CCDC85A: variants seen among roughly 807,000 people sequenced by gnomAD.
The protein encoded by CCDC85A is coiled-coil domain containing 85A, also known as coiled-coil domain-containing protein 85A.
Under a neutral mutation model 50.2 loss-of-function variants are expected in CCDC85A, and 38 were observed. The observed-to-expected ratio is 0.76, with a 90% CI of 0.58 to 0.99. The LOEUF (loss-of-function observed/expected upper bound fraction) is 0.99. Among genes scored for constraint, CCDC85A ranks in the 50% least tolerant of loss-of-function variants. The pLI, the probability that CCDC85A is intolerant of heterozygous loss-of-function variation, is 0.00. For synonymous variants in CCDC85A, 366 were observed against 301.4 expected, an observed-to-expected ratio of 1.21 and a Z score of -2.22; for missense variants, 820 against 742.0, an observed-to-expected ratio of 1.11 and a Z score of -1.22.
Position 56,342,966 on chromosome 2 carries a change from T to A in CCDC85A, c.1317+11T>A, listed in dbSNP as rs1157031319. ...CGCATGCTGCCCCAGGTGGGTGACT[T>A]CCAGAAGCTCATAGCTAGTCAGTGC... On this transcript the variant is annotated intron_variant, in intron 3 of 5. Coordinates refer to ENST00000407595, the MANE Select transcript of CCDC85A (RefSeq NM_001080433.2). The A allele has an allele frequency of 6.4e-7, 1 of 1,573,804 alleles. No individual in the cohort carries two copies. Among genetic ancestry groups the A allele is most frequent in the East Asian group, 2.3e-5 (1 of 43,382 alleles).
intron 2 of CCDC85A, among the ~76,000 whole-genome samples, chr2:56,254,452 G>C (rs1055643994): frequency 5.3e-5 from 8 of 152,094 alleles, no homozygotes; most frequent in African/African-American, 1.9e-4. Context: ...ATGCCATATT[G>C]ATTAATTAAT....
At chr2:56,254,515 C>CA (rs369771902) in intron 2 of CCDC85A, among the ~76,000 whole-genome samples, 1 of 152,134 alleles carries the variant, frequency 6.6e-6, no homozygotes, top group East Asian at 1.9e-4. Context: ...ATGGCAGAAA[C>CA]AAAAAATGAG....
chr2:56,327,652 T>C (rs1195739244), intron 2 of CCDC85A, among the ~76,000 whole-genome samples: 1 of 152,052 alleles, frequency 6.6e-6, no homozygotes, highest in Non-Finnish European at 1.5e-5. Flanking sequence ...ATATTCAGCA[T>C]GGTATAGTTC....
chr2:56,338,765 G>A (rs1007105612), intron 2 of CCDC85A, among the ~76,000 whole-genome samples: 16 of 152,004 alleles, frequency 1.1e-4, no homozygotes, highest in African/African-American at 3.9e-4. Context: ...GTCACAGTTG[G>A]GAGATTGGAT....
intron 2 of CCDC85A, among the ~76,000 whole-genome samples, chr2:56,336,179 G>A (rs2104305259): frequency 6.6e-6 from 1 of 151,800 alleles, no homozygotes. Flanking sequence ...TTCAGATGGA[G>A]TTTCACTCTT....
chr2:56,209,261 A>T (rs532581890), intron 2 of CCDC85A, among the ~76,000 whole-genome samples: 42 of 152,176 alleles, frequency 2.8e-4, no homozygotes, highest in Admixed American at 5.9e-4. Flanking sequence ...GAAAGTAAAC[A>T]CTCTTCCCGA....
chr2:56,229,192 A>T (rs373389123), intron 2 of CCDC85A, among the ~76,000 whole-genome samples: 12 of 152,302 alleles, frequency 7.9e-5, no homozygotes, highest in African/African-American at 2.6e-4. Context: ...GGATGGGTAT[A>T]TCCAAAGCTT....
rs558885402 is a variant in CCDC85A, at chr2:56,200,026, G to A, written c.1240+6586G>A. On this transcript the variant is annotated intron_variant, in intron 2 of 5. Coordinates refer to ENST00000407595, the MANE Select transcript of CCDC85A (RefSeq NM_001080433.2). ...TGGGATTACAGGCGCACACCACCAC[G>A]CCTAGCTAATTTTTGTACTTTTAGT... 3.9e-5 allele frequency among the ~76,000 whole-genome samples: 6 copies of A among 152,170 alleles called. No individual in the cohort carries two copies. The East Asian group carries it at 7.7e-4, about 20-fold the overall frequency.
chr2:56,278,576 T>G (rs1185877927), intron 2 of CCDC85A, among the ~76,000 whole-genome samples: 2 of 152,022 alleles, frequency 1.3e-5, no homozygotes, highest in African/African-American at 2.4e-5. Flanking sequence ...TATTTTTTAT[T>G]ATTATTATTT....
At chr2:56,191,251 C>T (rs1185241237) in intron 1 of CCDC85A, among the ~76,000 whole-genome samples, 2 of 152,194 alleles carry the variant, frequency 1.3e-5, no homozygotes, top group South Asian at 4.1e-4. Context: ...CTTCTCACTG[C>T]ATGACGTTAT....
intron 2 of CCDC85A, among the ~76,000 whole-genome samples, chr2:56,312,762 C>T (rs936180521): frequency 6.6e-6 from 1 of 152,256 alleles, no homozygotes; most frequent in East Asian, 1.9e-4. Flanking sequence ...GCAGCACTTT[C>T]ATTTTAACAT....
At chr2:56,350,121 T>C (rs1674838390) in intron 3 of CCDC85A, among the ~76,000 whole-genome samples, 1 of 150,296 alleles carries the variant, frequency 6.7e-6, no homozygotes, top group Non-Finnish European at 1.5e-5. Context: ...AAGTTAAAAG[T>C]TAAAGATGAA....
At chr2:56,334,320 G>A (rs1369143587) in intron 2 of CCDC85A, among the ~76,000 whole-genome samples, 1 of 152,142 alleles carries the variant, frequency 6.6e-6, no homozygotes, top group Non-Finnish European at 1.5e-5. Flanking sequence ...TATTGGGTGA[G>A]GAAGTGTTGT....
chr2:56,257,610 T>A (rs1191005156), intron 2 of CCDC85A, among the ~76,000 whole-genome samples: 2 of 152,026 alleles, frequency 1.3e-5, no homozygotes, highest in Non-Finnish European at 2.9e-5. Flanking sequence ...GTGGAGGTCT[T>A]AGGTGATTGT....
At chr2:56,297,010 T>C (rs191128757) in intron 2 of CCDC85A, among the ~76,000 whole-genome samples, 24 of 152,326 alleles carry the variant, frequency 1.6e-4, no homozygotes, top group Admixed American at 1.6e-3. Flanking sequence ...TAATCATTTT[T>C]ATTGTATATC....
intron 2 of CCDC85A, among the ~76,000 whole-genome samples, chr2:56,296,960 T>C (rs913629081): frequency 6.6e-6 from 1 of 152,154 alleles, no homozygotes; most frequent in African/African-American, 2.4e-5. Flanking sequence ...CATATTAATA[T>C]ATGAAATATT....
chr2:56,230,588 G>A (rs1244233008), intron 2 of CCDC85A, among the ~76,000 whole-genome samples: 1 of 152,172 alleles, frequency 6.6e-6, no homozygotes. Context: ...TCTGCCCATG[G>A]CTGATCCTCC....
At chr2:56,208,000 C>G (rs1327679166) in intron 2 of CCDC85A, among the ~76,000 whole-genome samples, 2 of 152,084 alleles carry the variant, frequency 1.3e-5, no homozygotes, top group Non-Finnish European at 2.9e-5. Flanking sequence ...AGTAGATTGC[C>G]ATTCAAAAAC....
At chr2:56,190,768 GGACCAGCCCA>G (rs1430803720) in intron 1 of CCDC85A, among the ~76,000 whole-genome samples, 1 of 152,070 alleles carries the variant, frequency 6.6e-6, no homozygotes, top group Admixed American at 6.5e-5. Context: ...CCCTCTACCT[GGACCAGCCCA>G]GGAGCCTACT....
Sources: allele counts gnomAD v4.1 joint callset (sites outside exome capture counted in the v4.1 genomes callset), GRCh38; gene constraint gnomAD v4.1.1; transcripts MANE v1.5; gene names NCBI Gene and HGNC (gene_info 2026-07-23, HGNC 2026-07-21).